The following SH3D19 variants were observed in gnomAD, a reference collection of about 807,000 sequenced individuals.
SH3D19 encodes SH3 domain-containing protein 19.
Under a neutral mutation model 112.1 loss-of-function variants are expected in SH3D19, and 58 were observed. The observed-to-expected ratio is 0.52, with a 90% CI of 0.42 to 0.64. The LOEUF is 0.64. SH3D19 is among the 30% of genes least tolerant of loss of function. The probability of loss-of-function intolerance (pLI) is 0.00; values close to 1 mark genes in which losing one functional copy is unlikely to be tolerated. For synonymous variants in SH3D19, 391 were observed against 448.5 expected (o/e 0.87, Z 1.62); for missense variants, 1,090 against 1,263.4 (o/e 0.86, Z 2.08).
chr4:151,296,079 T>G (rs971502510), intron 1 of SH3D19, among the ~76,000 whole-genome samples: 2 of 151,702 alleles, frequency 1.3e-5, no homozygotes, highest in Admixed American at 6.6e-5. Flanking sequence ...AAAATCGTTT[T>G]TAAGAGTAAT....
At chr4:151,213,935 T>C (rs1378038801) in intron 2 of SH3D19, among the ~76,000 whole-genome samples, 2 of 150,896 alleles carry the variant, frequency 1.3e-5, no homozygotes. Flanking sequence ...GGCAGGGTCA[T>C]AGGACAATAG....
rs564937668 is a variant in SH3D19, at chr4:151,269,899, G to C, written c.113-43813C>G. 5.3e-5 allele frequency among the ~76,000 whole-genome samples: 8 copies of C among 151,880 alleles called. No homozygotes were observed. In the East Asian group the frequency reaches 1.5e-3, roughly 29 times the overall value. On this transcript the variant is annotated intron_variant, in intron 1 of 19. Transcript: ENST00000604030. ...ACACACATTAGCCTAGGCCTACACA[G>C]GGTCAGGATCATCAGTATCACTGTC...
intron 2 of SH3D19, among the ~76,000 whole-genome samples, chr4:151,213,469 A>C (rs1163751159): frequency 6.6e-6 from 1 of 151,882 alleles, no homozygotes; most frequent in Non-Finnish European, 1.5e-5. Context: ...ACATGGTACA[A>C]TCTGTCTCTA....
intron 2 of SH3D19, among the ~76,000 whole-genome samples, chr4:151,188,141 G>C (rs549635759): frequency 2.0e-5 from 3 of 152,084 alleles, no homozygotes; most frequent in Non-Finnish European, 4.4e-5. Flanking sequence ...ATACCCATGA[G>C]CCAATAAATT....
chr4:151,195,945 AAG>A (rs1307759410), intron 2 of SH3D19, among the ~76,000 whole-genome samples: 1 of 151,808 alleles, frequency 6.6e-6, no homozygotes, highest in African/African-American at 2.4e-5. Flanking sequence ...AAAAAGAAAA[AAG>A]AATTTTCTCA....
chr4:151,308,080 A>T (rs1484043483), intron 1 of SH3D19, among the ~76,000 whole-genome samples: 1 of 152,078 alleles, frequency 6.6e-6, no homozygotes, highest in Non-Finnish European at 1.5e-5. Context: ...TAATTTTTGT[A>T]TTTTTAGTAG....
chr4:151,123,167 A>G (rs1748405376), intron 19 of SH3D19, among the ~76,000 whole-genome samples: 1 of 152,192 alleles, frequency 6.6e-6, no homozygotes, highest in Middle Eastern at 3.4e-3. Flanking sequence ...ATTTTTATAG[A>G]TTTCCTTATT....
chr4:151,243,768 A>C (rs944207164), intron 1 of SH3D19, among the ~76,000 whole-genome samples: 1 of 152,260 alleles, frequency 6.6e-6, no homozygotes, highest in African/African-American at 2.4e-5. Flanking sequence ...TTCCAAAAAA[A>C]CTACTTATTT....
chr4:151,263,967 G>C (rs979128616), intron 1 of SH3D19, among the ~76,000 whole-genome samples: 1 of 152,114 alleles, frequency 6.6e-6, no homozygotes, highest in Non-Finnish European at 1.5e-5. Context: ...CCACCACTCT[G>C]AGCTATTTTA....
At chr4:151,145,473 G>A (rs1028766232) in intron 11 of SH3D19, among the ~76,000 whole-genome samples, 1 of 151,692 alleles carries the variant, frequency 6.6e-6, no homozygotes, top group Non-Finnish European at 1.5e-5. Context: ...TGTGACCCCC[G>A]CCCCTGCCCG....
intron 1 of SH3D19, among the ~76,000 whole-genome samples, chr4:151,247,168 C>G (rs368327759): frequency 6.6e-5 from 10 of 152,062 alleles, no homozygotes; most frequent in African/African-American, 2.4e-4. Context: ...ATTTTTGTTT[C>G]AATATTCACA....
chr4:151,296,973 T>C (rs1027106329), intron 1 of SH3D19, among the ~76,000 whole-genome samples: 2 of 152,238 alleles, frequency 1.3e-5, no homozygotes, highest in African/African-American at 2.4e-5. Flanking sequence ...TATTTTGATA[T>C]TATTTCGACA....
intron 2 of SH3D19, among the ~76,000 whole-genome samples, chr4:151,210,532 G>T (rs1461043902): frequency 6.6e-6 from 1 of 151,714 alleles, no homozygotes; most frequent in East Asian, 1.9e-4. Context: ...CTCCCCAGTA[G>T]CTGGGACTAC....
chr4:151,216,877 CTGTGTGTGTG>C (rs34575245), intron 2 of SH3D19, among the ~76,000 whole-genome samples: 5,131 of 140,836 alleles, frequency 0.036, 256 homozygotes, highest in African/African-American at 0.12. Flanking sequence ...CAAAACAACA[CTGTGTGTGTG>C]TGTGTGTGTG....
In SH3D19 at chr4:151,241,550, A is replaced by G. The variant is rs538108905; in HGVS notation, c.113-15464T>C. On this transcript the variant is annotated intron_variant, in intron 1 of 19. Transcript: ENST00000604030. ...CTGTGAATACACTAAAAACCACTTT[A>G]TTTATTTATTTATTTATCTAATTTA... Among the ~76,000 whole-genome samples, 9 of 151,594 alleles carry G rather than the reference A, an allele frequency of 5.9e-5. No homozygotes were observed. The South Asian group carries it at 8.3e-4, about 14-fold the overall frequency.
In SH3D19 at chr4:151,321,331, C is replaced by T. The variant is rs117161964; in HGVS notation, c.112+3910G>A. Among the ~76,000 whole-genome samples the T allele has an allele frequency of 7.0e-4, 106 of 152,172 alleles. No individual in the cohort carries two copies. In the East Asian group the frequency reaches 0.019, roughly 27 times the overall value. On this transcript the variant is annotated intron_variant, in intron 1 of 19. Coordinates refer to ENST00000604030, the MANE Select transcript of SH3D19 (RefSeq NM_001378122.1). ...GTCACCCAATCTCGTCCGCCTATTC[C>T]CCCCACCCTCCACTTCTTGCCCTTG...
At chr4:151,184,839 T>C (rs1761491454) in intron 3 of SH3D19, among the ~76,000 whole-genome samples, 1 of 152,196 alleles carries the variant, frequency 6.6e-6, no homozygotes, top group South Asian at 2.1e-4. Flanking sequence ...CTATTCATTG[T>C]TGAAATTGAA....
intron 1 of SH3D19, among the ~76,000 whole-genome samples, chr4:151,294,819 A>T (rs573850824): frequency 6.6e-6 from 1 of 152,364 alleles, no homozygotes; most frequent in Non-Finnish European, 1.5e-5. Context: ...TGTACAAGAA[A>T]GCCTGATAAT....
chr4:151,323,394 T>C (rs1162327802), intron 1 of SH3D19, among the ~76,000 whole-genome samples: 1 of 152,194 alleles, frequency 6.6e-6, no homozygotes, highest in Non-Finnish European at 1.5e-5. Context: ...GAGCAACATC[T>C]AGCACAGACA....
Sources: gnomAD v4.1 joint callset for allele counts (sites outside exome capture counted in the v4.1 genomes callset) on GRCh38, gnomAD v4.1.1 for gene constraint, MANE v1.5 for transcripts, NCBI Gene and HGNC (gene_info 2026-07-23, HGNC 2026-07-21) for gene names.